The following MITF variants were observed in gnomAD, a reference collection of about 807,000 sequenced individuals.
The protein encoded by MITF is microphthalmia-associated transcription factor.
Under a neutral mutation model 60.5 loss-of-function variants are expected in MITF, and 17 were observed. The ratio of observed to expected loss-of-function variants is 0.28; its 90% CI spans 0.19 to 0.42. The LOEUF is 0.42. MITF is among the 10% of genes least tolerant of loss of function. The pLI is 1.00. For synonymous variants in MITF, 260 were observed against 248.5 expected, an observed-to-expected ratio of 1.05 and a Z score of -0.43; for missense variants, 622 against 683.5, an observed-to-expected ratio of 0.91 and a Z score of 1.00.
intron 1 of MITF, among the ~76,000 whole-genome samples, chr3:69,871,007 G>C (rs1488705573): frequency 6.6e-6 from 1 of 152,106 alleles, no homozygotes; most frequent in Non-Finnish European, 1.5e-5. Flanking sequence ...AATGGAGTTT[G>C]ATTGGCCCTC....
At chr3:69,935,351 C>T (rs1257443102) in intron 2 of MITF, among the ~76,000 whole-genome samples, 1 of 152,168 alleles carries the variant, frequency 6.6e-6, no homozygotes, top group Non-Finnish European at 1.5e-5. Context: ...GCATAATATT[C>T]TGATTCATTA....
intron 2 of MITF, among the ~76,000 whole-genome samples, chr3:69,889,320 G>C (rs1177082901): frequency 6.6e-6 from 1 of 151,616 alleles, no homozygotes; most frequent in Non-Finnish European, 1.5e-5. Context: ...CACATTTCCT[G>C]TTCTCTCTGG....
At chr3:69,884,988 A>T (rs554301036) in intron 2 of MITF, among the ~76,000 whole-genome samples, 1 of 152,162 alleles carries the variant, frequency 6.6e-6, no homozygotes, top group Non-Finnish European at 1.5e-5. Flanking sequence ...TCATTGGGCA[A>T]TATTGGCACA....
In MITF at chr3:69,787,402, G is replaced by T. The variant is rs116548177; in HGVS notation, c.104+47701G>T. Among the ~76,000 whole-genome samples, 370 of 152,318 alleles carry T rather than the reference G, an allele frequency of 2.4e-3. 1 individual carries two copies. Among genetic ancestry groups the T allele is most frequent in the African/African-American group, 8.4e-3 (350 of 41,574 alleles). On this transcript the variant is annotated intron_variant, in intron 1 of 9. Transcript: ENST00000352241. ...TGTATTCTCATGTTAGCAGTTATGT[G>T]TGAAACTGGCTTTTTAATGAATAAA...
chr3:69,811,709 T>C (rs1475362339), intron 1 of MITF, among the ~76,000 whole-genome samples: 1 of 152,150 alleles, frequency 6.6e-6, no homozygotes, highest in Non-Finnish European at 1.5e-5. Context: ...TGAGTAATGA[T>C]GCAAATGTCA....
rs559577899 is a variant in MITF at position 69,864,714 on chromosome 3, T to C, written c.105-14420T>C. ...CCCTGGCCTACCAGATCCTTCATGG[T>C]CTGGTCCTGGTCACTGTGTAGGTCT... On this transcript the variant is annotated intron_variant, in intron 1 of 9. Coordinates refer to ENST00000352241, the MANE Select transcript of MITF (RefSeq NM_001354604.2). 2.4e-3 allele frequency among the ~76,000 whole-genome samples: 368 copies of C among 152,284 alleles called. 1 individual carries two copies. The highest frequency in any genetic ancestry group is 4.6e-3 in the Non-Finnish European group (310 of 68,020).
chr3:69,771,401 T>A (rs2062392450), intron 1 of MITF, among the ~76,000 whole-genome samples: 2 of 152,328 alleles, frequency 1.3e-5, no homozygotes, highest in South Asian at 4.1e-4. Context: ...CTTAACTCAT[T>A]TCCTGTTGGA....
intron 1 of MITF, among the ~76,000 whole-genome samples, chr3:69,830,767 A>T (rs2063433752): frequency 1.3e-5 from 2 of 152,188 alleles, no homozygotes; most frequent in African/African-American, 2.4e-5. Context: ...TGTGCCCAAC[A>T]TGGAGCTTAA....
intron 1 of MITF, among the ~76,000 whole-genome samples, chr3:69,787,428 C>A (rs771072692): frequency 2.0e-5 from 3 of 152,182 alleles, no homozygotes; most frequent in African/African-American, 7.2e-5. Flanking sequence ...AATGAATAAA[C>A]GACTAGATCA....
chr3:69,961,081 C>T (rs1463842706), intron 9 of MITF, among the ~76,000 whole-genome samples: 2 of 152,174 alleles, frequency 1.3e-5, no homozygotes, highest in Non-Finnish European at 2.9e-5. Context: ...ACATAGTCTG[C>T]CTATTTATAA....
intron 2 of MITF, among the ~76,000 whole-genome samples, chr3:69,894,749 AT>A (rs569040294): frequency 2.4e-4 from 36 of 151,784 alleles, no homozygotes; most frequent in Non-Finnish European, 5.0e-4. Flanking sequence ...TACAAGTTTA[AT>A]TTTTTTATTC....
At chr3:69,780,561 T>C (rs1408210659) in intron 1 of MITF, among the ~76,000 whole-genome samples, 5 of 152,168 alleles carry the variant, frequency 3.3e-5, no homozygotes, top group Non-Finnish European at 7.4e-5. Flanking sequence ...CTGGTCTAGC[T>C]TGGGGTCTCT....
At chr3:69,951,748 G>A (rs2066260634) in intron 6 of MITF, 64 bp from the exon 7 acceptor site, 1 of 1,181,020 alleles carries the variant, frequency 8.5e-7, no homozygotes, top group Non-Finnish European at 1.3e-6. Flanking sequence ...GAGATATTTT[G>A]TAGTTTACAT....
chr3:69,965,961 A>G lies in MITF; in HGVS notation c.*713A>G, dbSNP rs2066681134. ...ATTCTGTGCTGTTACAGTTTTCTTCATCAATGAGTGTGATCCAGTTTTTCA... is the reference window on the plus strand; with the variant it reads ...ATTCTGTGCTGTTACAGTTTTCTTCGTCAATGAGTGTGATCCAGTTTTTCA... On this transcript the variant is annotated 3_prime_UTR_variant, in exon 10 of 10. Transcript: ENST00000352241. The G allele has an allele frequency of 4.3e-6, 1 of 231,972 alleles. No individual in the cohort carries two copies. The allele number at this position is 231,972 out of a possible 1,614,324, so 14.4% of individuals were successfully genotyped here.
rs76076031 is a variant in MITF, at chr3:69,868,441, A to G, written c.105-10693A>G. The stretch of plus-strand genomic sequence containing the variant: ...TTTCACTTAAGATACTAAATGAATC[A>G]ATATTTCTTCCTCTGCTTTTTTATC... On this transcript the variant is annotated intron_variant, in intron 1 of 9. Transcript: ENST00000352241. 7.8e-3 allele frequency among the ~76,000 whole-genome samples: 1,193 copies of G among 152,178 alleles called. 9 individuals are homozygous for G. Among genetic ancestry groups the G allele is most frequent in the African/African-American group, 0.026 (1,076 of 41,512 alleles).
intron 2 of MITF, among the ~76,000 whole-genome samples, chr3:69,892,531 A>G (rs1169460772): frequency 6.6e-6 from 1 of 152,220 alleles, no homozygotes; most frequent in African/African-American, 2.4e-5. Context: ...TGTATCCACC[A>G]TGATAGTATC....
chr3:69,810,623 A>G (rs2063086116), intron 1 of MITF, among the ~76,000 whole-genome samples: 1 of 152,222 alleles, frequency 6.6e-6, no homozygotes, highest in Non-Finnish European at 1.5e-5. Context: ...TGGAACACAT[A>G]TATTGCTTTA....
At chr3:69,957,838 T>C (rs2066437575) in intron 8 of MITF, among the ~76,000 whole-genome samples, 1 of 152,216 alleles carries the variant, frequency 6.6e-6, no homozygotes, top group South Asian at 2.1e-4. Context: ...ATTGTAGGCA[T>C]TGTTTTAAGA....
At chr3:69,943,613 A>T (rs1233187186) in intron 5 of MITF, among the ~76,000 whole-genome samples, 1 of 152,170 alleles carries the variant, frequency 6.6e-6, no homozygotes, top group African/African-American at 2.4e-5. Context: ...ATCTTCACTG[A>T]GCCCCTATAA....
Sources: gnomAD v4.1 joint callset for allele counts (sites outside exome capture counted in the v4.1 genomes callset) on GRCh38, gnomAD v4.1.1 for gene constraint, MANE v1.5 for transcripts, NCBI Gene and HGNC (gene_info 2026-07-23, HGNC 2026-07-21) for gene names.